ATF7IP2: variants seen among roughly 807,000 people sequenced by gnomAD.
ATF7IP2 encodes activating transcription factor 7 interacting protein 2.
ATF7IP2 carries 42 observed loss-of-function variants against 64.2 expected under a neutral mutation model. The ratio of observed to expected loss-of-function variants is 0.65; its 90% CI spans 0.51 to 0.85. The LOEUF is 0.85. Among genes scored for constraint, ATF7IP2 ranks in the 40% least tolerant of loss-of-function variants. The probability of loss-of-function intolerance (pLI) is 0.00; values close to 1 mark genes in which losing one functional copy is unlikely to be tolerated. For missense variants in ATF7IP2, 933 were observed against 784.2 expected, an observed-to-expected ratio of 1.19 and a Z score of -2.27; for synonymous variants, 308 against 272.8, an observed-to-expected ratio of 1.13 and a Z score of -1.27.
chr16:10,469,242 G>A (rs1418971579), intron 9 of ATF7IP2, among the ~76,000 whole-genome samples: 1 of 151,952 alleles, frequency 6.6e-6, no homozygotes, highest in East Asian at 1.9e-4. Flanking sequence ...CAGTGAAAGA[G>A]GTATAGAAAA....
chr16:10,432,819 A>G (rs181741610), intron 5 of ATF7IP2, among the ~76,000 whole-genome samples: 1 of 152,286 alleles, frequency 6.6e-6, no homozygotes, highest in Non-Finnish European at 1.5e-5. Context: ...CGGAAGTTGC[A>G]CTGAGCCAAG....
intron 5 of ATF7IP2, among the ~76,000 whole-genome samples, chr16:10,432,172 C>T (rs969047025): frequency 6.6e-6 from 1 of 151,880 alleles, no homozygotes; most frequent in South Asian, 2.1e-4. Context: ...ACCTGTAAAT[C>T]ACATGCTAAG....
chr16:10,419,418 A>G (rs1051341611), intron 2 of ATF7IP2, among the ~76,000 whole-genome samples, 163 bp from the exon 3 acceptor site: 2 of 152,182 alleles, frequency 1.3e-5, no homozygotes, highest in Admixed American at 1.3e-4. Flanking sequence ...GGGTCCAGCC[A>G]AGTTACAGGC....
In ATF7IP2 at chr16:10,418,210, A is replaced by G. The variant is rs114221804; in HGVS notation, c.-202-1371A>G. ...AGGTATATGTCCTTAAGGCACAGACACTCATGCTATTGTTTGTGGTTCAGG... is the reference window on the plus strand; with the variant it reads ...AGGTATATGTCCTTAAGGCACAGACGCTCATGCTATTGTTTGTGGTTCAGG... On this transcript the variant is annotated intron_variant, in intron 2 of 13. Transcript: ENST00000562102. 8.2e-3 allele frequency among the ~76,000 whole-genome samples: 1,251 copies of G among 152,318 alleles called. 11 individuals are homozygous for G. Among genetic ancestry groups the G allele is most frequent in the African/African-American group, 0.028 (1,165 of 41,576 alleles).
At chr16:10,409,070 T>G (rs2047700056) in intron 1 of ATF7IP2, among the ~76,000 whole-genome samples, 1 of 152,220 alleles carries the variant, frequency 6.6e-6, no homozygotes, top group African/African-American at 2.4e-5. Context: ...AGAGAAAGGG[T>G]TATTCCTAAT....
chr16:10,398,257 T>C (rs1277215691), intron 1 of ATF7IP2, among the ~76,000 whole-genome samples: 2 of 151,832 alleles, frequency 1.3e-5, no homozygotes. Flanking sequence ...TGAGCCAAGA[T>C]TGCGCCACTG....
intron 8 of ATF7IP2, among the ~76,000 whole-genome samples, chr16:10,445,082 A>T (rs1185323789): frequency 6.6e-6 from 1 of 152,192 alleles, no homozygotes; most frequent in Non-Finnish European, 1.5e-5. Context: ...TTTCTTACGT[A>T]TTAAGCAACT....
rs1292724675 is a variant in ATF7IP2 at position 10,478,405 on chromosome 16, A to T, written c.1550-2474A>T. 2.6e-5 allele frequency among the ~76,000 whole-genome samples: 4 copies of T among 152,338 alleles called. No homozygotes were observed. In the South Asian group the frequency reaches 8.3e-4, roughly 32 times the overall value. On this transcript the variant is annotated intron_variant, in intron 12 of 13. Transcript: ENST00000562102. The stretch of plus-strand genomic sequence containing the variant: ...CTTGAGAAACACAAGCAATGGGGAA[A>T]GGATTCCCTATTTAATAAATGGTGC...
At chr16:10,433,175 T>A (rs753346939) in intron 5 of ATF7IP2, among the ~76,000 whole-genome samples, 1 of 152,116 alleles carries the variant, frequency 6.6e-6, no homozygotes, top group Non-Finnish European at 1.5e-5. Context: ...GAATTCCTAT[T>A]TCCTTCTCTT....
In ATF7IP2 at chr16:10,438,219, T is replaced by A. The variant is rs147875566; in HGVS notation, c.1079T>A (p.Ile360Lys). The A allele has an allele frequency of 9.2e-5, 146 of 1,594,880 alleles. No individual in the cohort carries two copies. In the East Asian group the frequency reaches 1.1e-3, roughly 12 times the overall value. ...KTECRNKHEGIADKLLAKIAK... is the reference protein window; with the variant it reads ...KTECRNKHEGKADKLLAKIAK... ...GAGTGCAGAAATAAGCATGAAGGAA[T>A]AGCTGATAAACTTTTGGTAAGTTTT... The change falls in exon 7 of 14, where the codon ATA (isoleucine) becomes AAA (lysine). Residue 360 changes from isoleucine (I) to lysine (K), a missense_variant. Transcript: ENST00000562102.
chr16:10,403,430 G>T (rs1467911333), intron 1 of ATF7IP2, among the ~76,000 whole-genome samples: 1 of 152,068 alleles, frequency 6.6e-6, no homozygotes, highest in African/African-American at 2.4e-5. Context: ...AACTCATCCA[G>T]AAGCAAAGTC....
chr16:10,425,354 G>T (rs2141854226), intron 3 of ATF7IP2, among the ~76,000 whole-genome samples: 1 of 151,286 alleles, frequency 6.6e-6, no homozygotes, highest in African/African-American at 2.4e-5. Context: ...ACACAGGCGT[G>T]AGCCACTGTG....
intron 1 of ATF7IP2, among the ~76,000 whole-genome samples, chr16:10,395,484 A>G (rs535640024): frequency 9.9e-5 from 15 of 152,198 alleles, no homozygotes; most frequent in Non-Finnish European, 1.8e-4. Context: ...CCCCAATACT[A>G]TAGGAAAAGA....
At chr16:10,435,383 C>T (rs1000330466) in intron 6 of ATF7IP2, among the ~76,000 whole-genome samples, 1 of 152,214 alleles carries the variant, frequency 6.6e-6, no homozygotes, top group Non-Finnish European at 1.5e-5. Flanking sequence ...AAAGTTGGCA[C>T]AGATTGGAGA....
chr16:10,447,180 C>CTT (rs1373304201), intron 8 of ATF7IP2: 2 of 152,394 alleles, frequency 1.3e-5, no homozygotes, highest in African/African-American at 4.8e-5. Flanking sequence ...CAAGATACTC[C>CTT]AACCATCAAG....
At chr16:10,434,553 G>C (rs1232252677) in intron 6 of ATF7IP2, among the ~76,000 whole-genome samples, 1 of 151,896 alleles carries the variant, frequency 6.6e-6, no homozygotes, top group African/African-American at 2.4e-5. Context: ...TAAAGGGAAA[G>C]AGTTACGCAG....
intron 2 of ATF7IP2, among the ~76,000 whole-genome samples, chr16:10,418,864 C>T (rs1228077343): frequency 6.6e-6 from 1 of 152,184 alleles, no homozygotes; most frequent in South Asian, 2.1e-4. Flanking sequence ...TGCCGTGTTT[C>T]CAGATAATAG....
chr16:10,418,013 T>C (rs1192717888), intron 2 of ATF7IP2, among the ~76,000 whole-genome samples: 1 of 152,028 alleles, frequency 6.6e-6, no homozygotes, highest in African/African-American at 2.4e-5. Flanking sequence ...CACAGAAATA[T>C]AGAGTGCGGA....
intron 9 of ATF7IP2, among the ~76,000 whole-genome samples, chr16:10,466,172 C>G (rs1324377342): frequency 6.6e-6 from 1 of 152,208 alleles, no homozygotes; most frequent in Non-Finnish European, 1.5e-5. Context: ...CCCATCCGTG[C>G]TGTTGCTATT....
Sources: gnomAD v4.1 joint callset for allele counts (sites outside exome capture counted in the v4.1 genomes callset) on GRCh38, gnomAD v4.1.1 for gene constraint, MANE v1.5 for transcripts, NCBI Gene and HGNC (gene_info 2026-07-23, HGNC 2026-07-21) for gene names.